The following AGL variants were observed in gnomAD, a reference collection of about 807,000 sequenced individuals.
The protein encoded by AGL is amylo-alpha-1,6-glucosidase and 4-alpha-glucanotransferase.
AGL carries 128 observed loss-of-function variants against 199.3 expected under a neutral mutation model. That is an observed-to-expected ratio of 0.64 (90% CI 0.56 to 0.74). The LOEUF (loss-of-function observed/expected upper bound fraction) is 0.74. Ranked by LOEUF, AGL falls within the 30% of genes least tolerant of loss-of-function variation. The pLI is 0.00. For synonymous variants in AGL, 584 were observed against 594.7 expected (o/e 0.98, Z 0.26); for missense variants, 1,809 against 1,820.8 (o/e 0.99, Z 0.12).
chr1:99,884,109 T>C lies in AGL; in HGVS notation c.2309-11T>C. The C allele has an allele frequency of 1.2e-6, 2 of 1,607,480 alleles. No homozygotes were observed. The highest frequency in any genetic ancestry group is 1.7e-5 in the Admixed American group (1 of 59,916). ...ATGAAATTTTGTTAAAATGTTTTTA[T>C]GTATTCCTAGGCAAAATTGAAGAAG... On this transcript the variant is annotated splice_polypyrimidine_tract_variant and intron_variant, in intron 17 of 33. Transcript: ENST00000361915.
At chr1:99,892,331 G>T (rs1652959285) in intron 23 of AGL, 101 bp from the exon 24 acceptor site, 5 of 1,079,308 alleles carry the variant, frequency 4.6e-6, no homozygotes, top group Non-Finnish European at 6.9e-6. Context: ...TATTGTTATA[G>T]ATTTGTATAG....
intron 2 of AGL, among the ~76,000 whole-genome samples, chr1:99,857,992 C>T (rs1649712519): frequency 6.6e-6 from 1 of 152,170 alleles, no homozygotes; most frequent in African/African-American, 2.4e-5. Context: ...ACAAAAAAGG[C>T]ATACTCAGAA....
rs2100868485 is a variant in AGL, at chr1:99,915,393, C to G, written c.4166C>G (p.Pro1389Arg). 2 of 1,613,628 alleles carry G rather than the reference C, an allele frequency of 1.2e-6. No individual in the cohort carries two copies. Among genetic ancestry groups the G allele is most frequent in the East Asian group, 2.2e-5 (1 of 44,852 alleles). Residue 1389 changes from proline (P) to arginine (R), a missense_variant, in exon 31 of 34, where the codon CCT becomes CGT. Coordinates refer to ENST00000361915, the MANE Select transcript of AGL (RefSeq NM_000642.3). ...PNFTIAMVVA[P>R]ELFTTEKAWK... is the part of the protein sequence containing the mutation. Reference sequence around the variant, plus strand: ...TTTGTTTTTGGCATTCACTAGGCCCCTGAGCTCTTTACTACAGAAAAAGCA... The same window carrying G: ...TTTGTTTTTGGCATTCACTAGGCCCGTGAGCTCTTTACTACAGAAAAAGCA...
rs1651541136 is a variant in AGL, at chr1:99,876,489, T to C, written c.1315T>C (p.Phe439Leu). 1 of 1,609,280 alleles carries C rather than the reference T, an allele frequency of 6.2e-7. No homozygotes were observed. Among genetic ancestry groups the C allele is most frequent in the Admixed American group, 1.7e-5 (1 of 59,990 alleles). ...TACTTTCCCATTTGAAGAGATAGAC[T>C]TCTCCATGGAAGAATCTATGATTCA... ...YFTFPFEEID[F>L]SMEESMIHLP... is the part of the protein sequence containing the mutation. The change falls in exon 11 of 34, where the codon TTC (phenylalanine) becomes CTC (leucine). Residue 439 changes from phenylalanine to leucine, a missense_variant. Physicochemically the swap from Phe to Leu is conservative, Grantham distance 22. Coordinates refer to ENST00000361915, the MANE Select transcript of AGL (RefSeq NM_000642.3).
chr1:99,885,164 C>T (rs923810312), intron 20 of AGL, among the ~76,000 whole-genome samples: 2 of 152,148 alleles, frequency 1.3e-5, no homozygotes, highest in East Asian at 3.9e-4. Context: ...TTCATCTTTA[C>T]ATGAATCCTT....
chr1:99,866,748 T>G (rs1044800805), intron 5 of AGL, among the ~76,000 whole-genome samples: 7 of 152,256 alleles, frequency 4.6e-5, no homozygotes, highest in African/African-American at 1.7e-4. Flanking sequence ...TGCCACAGCC[T>G]TACTTGAAAA....
intron 5 of AGL, among the ~76,000 whole-genome samples, chr1:99,867,481 A>C (rs1571237657): frequency 1.3e-5 from 2 of 152,148 alleles, no homozygotes; most frequent in Non-Finnish European, 2.9e-5. Context: ...TTTCATGCTA[A>C]GAGGCACAGT....
chr1:99,897,300 C>G (rs1298344066), intron 25 of AGL, among the ~76,000 whole-genome samples: 1 of 152,132 alleles, frequency 6.6e-6, no homozygotes, highest in East Asian at 1.9e-4. Flanking sequence ...CAAACCTGGA[C>G]ATAGAGAGAG....
At chr1:99,912,610 CG>C in intron 29 of AGL, 93 bp downstream of exon 29, 1 of 905,418 alleles carries the variant, frequency 1.1e-6, no homozygotes, top group Non-Finnish European at 1.7e-6. Flanking sequence ...CAGCTAATAT[CG>C]GAAAACCCTT....
rs553053029 is a variant in AGL at position 99,851,013 on chromosome 1, T to G, written c.-30T>G. On this transcript the variant is annotated 5_prime_UTR_variant, in exon 2 of 34. It removes an upstream start codon present in the reference 5' UTR. Transcript: ENST00000361915. ...GACTGTGGAGTTCTTTTAATTCTTA[T>G]GAAAGATTTCAAATCCTCTAGAAGC... 1.1e-5 allele frequency: 18 copies of G among 1,565,420 alleles called. No homozygotes were observed. Among genetic ancestry groups the G allele is most frequent in the Admixed American group, 1.0e-4 (6 of 59,960 alleles).
chr1:99,873,210 T>G (rs901564388), intron 7 of AGL, among the ~76,000 whole-genome samples: 1 of 152,148 alleles, frequency 6.6e-6, no homozygotes, highest in African/African-American at 2.4e-5. Context: ...GATATTTAAC[T>G]TGATTTGTAT....
chr1:99,867,460 T>C (rs1321048466), intron 5 of AGL, among the ~76,000 whole-genome samples: 2 of 152,156 alleles, frequency 1.3e-5, no homozygotes, highest in African/African-American at 4.8e-5. Context: ...ACTCCCAGCC[T>C]GGGGTTATAG....
At chr1:99,897,138 T>A (rs1011077081) in intron 25 of AGL, among the ~76,000 whole-genome samples, 1 of 152,142 alleles carries the variant, frequency 6.6e-6, no homozygotes, top group Non-Finnish European at 1.5e-5. Context: ...TTTTTTAATG[T>A]CACAATAATA....
chr1:99,919,954 C>T (rs1043737397), intron 33 of AGL, among the ~76,000 whole-genome samples: 1 of 152,158 alleles, frequency 6.6e-6, no homozygotes, highest in African/African-American at 2.4e-5. Flanking sequence ...ACCCTTTCCC[C>T]TCCATTTCTG....
chr1:99,917,317 A>C (rs1186721674), intron 33 of AGL, among the ~76,000 whole-genome samples: 4 of 152,148 alleles, frequency 2.6e-5, no homozygotes, highest in African/African-American at 7.2e-5. Flanking sequence ...AATAAACAGC[A>C]CAAATTTTAT....
chr1:99,857,781 C>T (rs1239730584), intron 2 of AGL, among the ~76,000 whole-genome samples: 3 of 9,012 alleles, frequency 3.3e-4, no homozygotes, highest in Non-Finnish European at 6.7e-4. Flanking sequence ...AGCCTTGGCT[C>T]GGCATCAGAG....
At chr1:99,883,539 A>ATTTTTT (rs1420266037) in intron 17 of AGL, among the ~76,000 whole-genome samples, 1 of 152,166 alleles carries the variant, frequency 6.6e-6, no homozygotes. Context: ...ATGAATCTAA[A>ATTTTTT]AAATACATTG....
intron 7 of AGL, among the ~76,000 whole-genome samples, chr1:99,871,089 T>C (rs1029777070): frequency 3.9e-5 from 6 of 152,238 alleles, no homozygotes; most frequent in Non-Finnish European, 8.8e-5. Context: ...CCCTGGGTAC[T>C]GTATCTTACT....
chr1:99,869,657 C>G (rs1388070209), intron 5 of AGL, among the ~76,000 whole-genome samples: 2 of 152,158 alleles, frequency 1.3e-5, no homozygotes, highest in African/African-American at 4.8e-5. Context: ...CTGCTTAGAA[C>G]AATTTCTGGT....
Sources: gnomAD v4.1 joint callset for allele counts (sites outside exome capture counted in the v4.1 genomes callset) on GRCh38, gnomAD v4.1.1 for gene constraint, MANE v1.5 for transcripts, NCBI Gene and HGNC (gene_info 2026-07-23, HGNC 2026-07-21) for gene names.